MAPT: variants seen among roughly 807,000 people sequenced by gnomAD.
The protein encoded by MAPT is microtubule-associated protein tau.
A neutral mutation model predicts 67.9 loss-of-function variants in MAPT; 34 were observed. The observed-to-expected ratio is 0.50, with a 90% confidence interval of 0.38 to 0.67. The LOEUF is 0.67. Among genes scored for constraint, MAPT ranks in the 30% least tolerant of loss-of-function variants. The pLI is 0.00. For missense variants in MAPT, 881 were observed against 1,115.2 expected (o/e 0.79, Z 2.99); for synonymous variants, 456 against 464.5 (o/e 0.98, Z 0.23).
At chr17:46,020,459 C>T (rs1173412410) in intron 12 of MAPT, among the ~76,000 whole-genome samples, 1 of 152,196 alleles carries the variant, frequency 6.6e-6, no homozygotes, top group Non-Finnish European at 1.5e-5. Context: ...GCTCACTTTC[C>T]AACCTTCAGG....
rs2076338082 is a variant in MAPT at position 46,018,655 on chromosome 17, C to T, written c.2211C>T (p.Asp737=). The change falls in exon 12 of 13, where the codon GAC becomes GAT. Residue 737 remains aspartate (D), a synonymous_variant. Transcript: ENST00000262410. The part of the protein sequence containing the change: ...GQVEVKSEKL[D]FKDRVQSKIG... ...TGGAAGTAAAATCTGAGAAGCTTGA[C>T]TTCAAGGACAGAGTCCAGTCGAAGA... 1 of 1,614,102 alleles carries T rather than the reference C, an allele frequency of 6.2e-7. No homozygotes were observed. Among genetic ancestry groups the T allele is most frequent in the Admixed American group, 1.7e-5 (1 of 60,012 alleles).
rs2076814333 is a variant in MAPT at position 46,026,570 on chromosome 17, G to C, written c.*2399G>C. 6.6e-6 allele frequency: 1 copy of C among 152,230 alleles called. No individual in the cohort carries two copies. The highest frequency in any genetic ancestry group is 2.4e-5 in the African/African-American group (1 of 41,448). The allele number at this position is 152,230 out of a possible 1,614,324, so 9.4% of individuals were successfully genotyped here. Reference sequence around the variant, plus strand: ...CTCCGTGAGCCTCAGCCACCCCTCAGACTGGGTTCCTCTCCAAGCTCGCCC... The same window carrying C: ...CTCCGTGAGCCTCAGCCACCCCTCACACTGGGTTCCTCTCCAAGCTCGCCC... On this transcript the variant is annotated 3_prime_UTR_variant, in exon 13 of 13. Coordinates refer to ENST00000262410, the MANE Select transcript of MAPT (RefSeq NM_001377265.1).
At chr17:46,002,778 G>A (rs979733115) in intron 9 of MAPT, among the ~76,000 whole-genome samples, 1 of 152,150 alleles carries the variant, frequency 6.6e-6, no homozygotes, top group Non-Finnish European at 1.5e-5. Context: ...TTCCCTGTGT[G>A]TATTGATTTG....
At chr17:45,899,059 G>C (rs750710816) in intron 1 of MAPT, among the ~76,000 whole-genome samples, 5 of 152,190 alleles carry the variant, frequency 3.3e-5, no homozygotes, top group Non-Finnish European at 7.3e-5. Context: ...CTCAGCAGGT[G>C]ACGGGAAGAG....
intron 9 of MAPT, among the ~76,000 whole-genome samples, chr17:46,001,902 A>T (rs1009265929): frequency 6.6e-6 from 1 of 152,164 alleles, no homozygotes; most frequent in Non-Finnish European, 1.5e-5. Context: ...TGCACAAGTC[A>T]GCAAGCCAGA....
intron 6 of MAPT, among the ~76,000 whole-genome samples, chr17:45,989,237 A>C (rs142467897): frequency 1.3e-5 from 2 of 152,314 alleles, no homozygotes; most frequent in Middle Eastern, 3.4e-3. Flanking sequence ...ATCTCCATCA[A>C]CTTACTCATG....
Position 45,983,316 on chromosome 17 carries a change from C to G in MAPT, c.737C>G (p.Ser246Trp). The G allele has an allele frequency of 6.2e-7, 1 of 1,600,842 alleles. No homozygotes were observed. The highest frequency in any genetic ancestry group is 8.5e-7 in the Non-Finnish European group (1 of 1,174,402). Reference sequence around the variant, plus strand: ...CCCAGAGAGGCCACACGCCAACCTTCGGGGACAGGACCTGAGGACACAGAG... The same window carrying G: ...CCCAGAGAGGCCACACGCCAACCTTGGGGGACAGGACCTGAGGACACAGAG... ...EGPREATRQP[S>W]GTGPEDTEGG... Residue 246 changes from serine (S) to tryptophan (W), a missense_variant, in exon 5 of 13, where the codon TCG (serine) becomes TGG (tryptophan). By Grantham distance (177) the Ser-to-Trp change is radical. Transcript: ENST00000262410.
In MAPT at chr17:45,894,704, G is replaced by T. The variant is rs1322326994; in HGVS notation, c.-18+18G>T. On this transcript the variant is annotated intron_variant, in intron 1 of 12. Transcript: ENST00000262410. ...ACTATCAGGTAAGCGCCGCGGCTCC[G>T]AAATCTGCCTCGCCGTCCGCCTCTG... 6.5e-6 allele frequency: 1 copy of T among 152,798 alleles called. No individual in the cohort carries two copies. The highest frequency in any genetic ancestry group is 1.5e-5 in the Non-Finnish European group (1 of 68,532). 9.5% of individuals were successfully genotyped at this position (152,798 alleles called of 1,614,324 possible). A position where few individuals can be genotyped will look rare whatever the true frequency, so the allele number is the denominator to read the frequency against.
At chr17:45,929,872 T>C (rs1162474799) in intron 1 of MAPT, among the ~76,000 whole-genome samples, 2 of 152,190 alleles carry the variant, frequency 1.3e-5, no homozygotes, top group African/African-American at 2.4e-5. Context: ...TGTTAACCTT[T>C]GTTTGCTGTT....
Position 46,024,292 on chromosome 17 carries a change from T to C in MAPT, c.*121T>C, listed in dbSNP as rs2076712844. On this transcript the variant is annotated 3_prime_UTR_variant, in exon 13 of 13. Coordinates refer to ENST00000262410, the MANE Select transcript of MAPT (RefSeq NM_001377265.1). ...AGCTGCTCCTCGCAGTTCGGTTAAT[T>C]GGTTAATCACTTAACCTGCTTTTGT... is the stretch of plus-strand genomic sequence containing the variant. 5.5e-6 allele frequency: 5 copies of C among 913,980 alleles called. No homozygotes were observed. The highest frequency in any genetic ancestry group is 6.9e-6 in the Non-Finnish European group (4 of 579,128). 56.6% of individuals were successfully genotyped at this position (913,980 alleles called of 1,614,324 possible).
rs199924978 is a variant in MAPT, at chr17:45,915,523, CTGTG to C, written c.-18+20842_-18+20845del. Reference sequence around the variant, plus strand: ...GTGTGAGCATGTGTGTGTGATGTGTCTGTGTGTGGTGTGTGTGAGCATGTGTGTT... The same window carrying C: ...GTGTGAGCATGTGTGTGTGATGTGTCTGTGGTGTGTGTGAGCATGTGTGTT... On this transcript the variant is annotated intron_variant, in intron 1 of 12. Transcript: ENST00000262410. The surrounding 1 kb of genome is among the most constrained non-coding windows in gnomAD (Gnocchi z 4.4). 3.3e-4 allele frequency among the ~76,000 whole-genome samples: 35 copies of C among 107,292 alleles called. No individual in the cohort carries two copies. Among genetic ancestry groups the C allele is most frequent in the Middle Eastern group, 6.3e-3 (1 of 160 alleles). 70.4% of individuals were successfully genotyped at this position (107,292 alleles called of 152,430 possible). A position where few individuals can be genotyped will look rare whatever the true frequency, so the allele number is the denominator to read the frequency against.
intron 1 of MAPT, among the ~76,000 whole-genome samples, chr17:45,938,352 T>A (rs1039572498): frequency 1.3e-5 from 2 of 152,218 alleles, no homozygotes; most frequent in East Asian, 3.9e-4. Flanking sequence ...AAATTTTCCA[T>A]CAATCATCTT....
chr17:45,977,248 C>T (rs2072469736), intron 3 of MAPT: 1 of 152,244 alleles, frequency 6.6e-6, no homozygotes, highest in Non-Finnish European at 1.5e-5. Flanking sequence ...ACTCGAGAAC[C>T]TTTCTCTCCC....
chr17:45,966,983 C>T (rs61588405), intron 2 of MAPT, among the ~76,000 whole-genome samples: 16 of 152,292 alleles, frequency 1.1e-4, no homozygotes, highest in African/African-American at 3.6e-4. Context: ...TGAAAGCTTA[C>T]AAGGAGCTGT....
intron 3 of MAPT, chr17:45,972,671 C>G (rs541247676): frequency 6.3e-6 from 1 of 157,676 alleles, no homozygotes; most frequent in African/African-American, 2.4e-5. Context: ...TCTTTATTTT[C>G]TGTCATCTTT....
chr17:45,979,481 G>A (rs1598254994), intron 4 of MAPT: 1 of 152,212 alleles, frequency 6.6e-6, no homozygotes, highest in Non-Finnish European at 1.5e-5. Context: ...AGGATATTTT[G>A]AGGCCTAACT....
intron 9 of MAPT, among the ~76,000 whole-genome samples, chr17:45,998,303 C>T (rs1476388611): frequency 1.3e-5 from 2 of 152,082 alleles, no homozygotes; most frequent in Non-Finnish European, 2.9e-5. Context: ...CACATCCCAT[C>T]GGGATGGAAA....
At position 45,915,632 on chromosome 17, in the gene MAPT, A is replaced by G. The variant is rs564574225; in HGVS notation, c.-18+20946A>G. On this transcript the variant is annotated intron_variant, in intron 1 of 12. Transcript: ENST00000262410. This position sits in a 1 kb window ranked among gnomAD's most constrained non-coding sequence, Gnocchi z 4.4. ...AGCATGTGTGAGTGTGTGTGTGTTC[A>G]GCATATATAAGGCATGTAACTGAAC... is the stretch of plus-strand genomic sequence containing the variant. 5.9e-5 allele frequency among the ~76,000 whole-genome samples: 9 copies of G among 152,088 alleles called. No homozygotes were observed. In the East Asian group the frequency reaches 1.7e-3, roughly 29 times the overall value.
chr17:45,998,524 G>A (rs975061201), intron 9 of MAPT, among the ~76,000 whole-genome samples: 2 of 152,168 alleles, frequency 1.3e-5, no homozygotes, highest in Non-Finnish European at 2.9e-5. Context: ...AGGAGGGAGG[G>A]AAGGAAGAGA....
Sources: allele counts gnomAD v4.1 joint callset (sites outside exome capture counted in the v4.1 genomes callset), GRCh38; gene constraint gnomAD v4.1.1; non-coding constraint Gnocchi (gnomAD v3.1); transcripts MANE v1.5; gene names NCBI Gene and HGNC (gene_info 2026-07-23, HGNC 2026-07-21).